Variants in SPATA6 observed in about 807,000 individuals in gnomAD.
The protein encoded by SPATA6 is spermatogenesis-associated protein 6.
SPATA6 carries 56 observed loss-of-function variants against 65.3 expected under a neutral mutation model. The ratio of observed to expected loss-of-function variants is 0.86; its 90% confidence interval spans 0.69 to 1.07. The LOEUF (loss-of-function observed/expected upper bound fraction) is 1.07, where lower values mean the gene tolerates loss of function less well. SPATA6 is among the 50% of genes least tolerant of loss of function. The probability of loss-of-function intolerance (pLI) is 0.00; values close to 1 mark genes in which losing one functional copy is unlikely to be tolerated. For missense variants in SPATA6, 590 were observed against 594.8 expected, an observed-to-expected ratio of 0.99 and a Z score of 0.08; for synonymous variants, 199 against 213.2, an observed-to-expected ratio of 0.93 and a Z score of 0.58.
At chr1:48,466,293 C>A (rs1657802561) in intron 1 of SPATA6, among the ~76,000 whole-genome samples, 1 of 151,972 alleles carries the variant, frequency 6.6e-6, no homozygotes, top group Non-Finnish European at 1.5e-5. Context: ...TGAACTAGAC[C>A]TGCAAGAATC....
At chr1:48,331,774 G>T (rs1645923008) in intron 11 of SPATA6, among the ~76,000 whole-genome samples, 1 of 152,150 alleles carries the variant, frequency 6.6e-6, no homozygotes, top group Non-Finnish European at 1.5e-5. Context: ...ATAATCATCT[G>T]ACACTCCAAG....
intron 11 of SPATA6, among the ~76,000 whole-genome samples, chr1:48,320,503 G>T (rs1241116452): frequency 6.6e-6 from 1 of 152,218 alleles, no homozygotes; most frequent in Non-Finnish European, 1.5e-5. Flanking sequence ...TTGTAGAATA[G>T]TATATCTGGC....
At chr1:48,294,599 C>T (rs924840314), downstream of SPATA6, among the ~76,000 whole-genome samples, 1 of 152,166 alleles carries the variant, frequency 6.6e-6, no homozygotes, top group South Asian at 2.1e-4. Flanking sequence ...CTTGAGTTCT[C>T]CCAAGTTCTA....
chr1:48,292,002 C>T (rs985609388), downstream of SPATA6, among the ~76,000 whole-genome samples: 1 of 152,188 alleles, frequency 6.6e-6, no homozygotes, highest in Non-Finnish European at 1.5e-5. Context: ...TCTTGTAGCT[C>T]ACCAAGCATC....
At position 48,383,332 on chromosome 1, in the gene SPATA6, C is replaced by T. The variant is rs1255305961; in HGVS notation, c.909+1977G>A. Among the ~76,000 whole-genome samples the T allele has an allele frequency of 6.9e-4, 41 of 59,704 alleles. 13 individuals carry two copies. Among genetic ancestry groups the T allele is most frequent in the Non-Finnish European group, 1.4e-3 (35 of 25,538 alleles). 39.2% of individuals were successfully genotyped at this position (59,704 alleles called of 152,430 possible). On this transcript the variant is annotated intron_variant, in intron 9 of 12. Transcript: ENST00000371847. ...CTGACCCCCCCACCTCCCTCCCGGA[C>T]GGGGCGGCTGGCCGACCGCCCCCCC...
chr1:48,421,782 TACACATAC>T (rs1219777738), intron 3 of SPATA6, among the ~76,000 whole-genome samples: 1 of 152,030 alleles, frequency 6.6e-6, no homozygotes, highest in Non-Finnish European at 1.5e-5. Context: ...ACAGCAAATA[TACACATAC>T]ACACAGTCCC....
chr1:48,436,115 T>C (rs1654917171), intron 3 of SPATA6: 1 of 1,610,130 alleles, frequency 6.2e-7, no homozygotes. Flanking sequence ...AGTGAAGTAC[T>C]ATGTTCCACC....
intron 9 of SPATA6, among the ~76,000 whole-genome samples, chr1:48,361,766 G>A (rs1317122134): frequency 6.6e-6 from 1 of 152,024 alleles, no homozygotes; most frequent in Non-Finnish European, 1.5e-5. Flanking sequence ...TACATTAGTT[G>A]CCCAATAAAT....
chr1:48,407,920 A>G (rs968114204), intron 5 of SPATA6, among the ~76,000 whole-genome samples: 1 of 152,224 alleles, frequency 6.6e-6, no homozygotes, highest in Admixed American at 6.5e-5. Context: ...TTGGTATAAT[A>G]CAGAATTTTA....
chr1:48,471,220 C>T (rs1409498118), intron 1 of SPATA6, among the ~76,000 whole-genome samples: 8 of 152,130 alleles, frequency 5.3e-5, no homozygotes, highest in Admixed American at 2.6e-4. Flanking sequence ...AGGAAAGCAT[C>T]CTCTTGAGCA....
At position 48,308,286 on chromosome 1, in the gene SPATA6, G is replaced by T. The variant is rs1645110628; in HGVS notation, c.1195-2408C>A. 6.6e-5 allele frequency among the ~76,000 whole-genome samples: 10 copies of T among 151,980 alleles called. No individual in the cohort carries two copies. In the South Asian group the frequency reaches 2.1e-3, roughly 32 times the overall value. On this transcript the variant is annotated intron_variant, in intron 11 of 12. Coordinates refer to ENST00000371847, the MANE Select transcript of SPATA6 (RefSeq NM_019073.4). The stretch of plus-strand genomic sequence containing the variant: ...GGATTACAAATAACATCTTAATACA[G>T]AAGAATCTAAGTTTAGATGATATCA...
intron 3 of SPATA6, among the ~76,000 whole-genome samples, chr1:48,419,364 TTGAA>T (rs1270018271): frequency 6.6e-6 from 1 of 152,164 alleles, no homozygotes; most frequent in Non-Finnish European, 1.5e-5. Flanking sequence ...TACGTGGTAT[TTGAA>T]TGAGGAGTAG....
intron 11 of SPATA6, among the ~76,000 whole-genome samples, chr1:48,315,644 C>CT (rs1418008020): frequency 6.6e-6 from 1 of 152,142 alleles, no homozygotes; most frequent in Non-Finnish European, 1.5e-5. Context: ...CAGGGATGCC[C>CT]TCTCTCACCA....
chr1:48,365,716 A>G (rs1022131152), intron 9 of SPATA6, among the ~76,000 whole-genome samples: 8 of 152,010 alleles, frequency 5.3e-5, no homozygotes, highest in Non-Finnish European at 1.2e-4. Flanking sequence ...GGTTTTCTAG[A>G]TATACAATCA....
At chr1:48,374,140 G>A (rs914449640) in intron 9 of SPATA6, among the ~76,000 whole-genome samples, 3 of 152,060 alleles carry the variant, frequency 2.0e-5, no homozygotes. Flanking sequence ...TTGCAGTATT[G>A]AAGATCCTGG....
intron 11 of SPATA6, chr1:48,325,441 C>T (rs910871330): frequency 8.0e-7 from 1 of 1,251,678 alleles, no homozygotes; most frequent in Admixed American, 1.7e-5. Flanking sequence ...GGGACCACTG[C>T]AGTTTGCACT....
At chr1:48,268,334 TTGTGTG>T in the SPATA6 span, among the ~76,000 whole-genome samples, 1 of 136,316 alleles carries the variant, frequency 7.3e-6, no homozygotes, top group African/African-American at 2.8e-5. Context: ...GTGTGTGTGT[TTGTGTG>T]TGTGTATCTA....
intron 5 of SPATA6, 123 bp from the exon 6 acceptor site, chr1:48,404,005 G>T: frequency 1.6e-6 from 1 of 641,902 alleles, no homozygotes; most frequent in South Asian, 2.5e-5. Context: ...CTGTTAGTTT[G>T]AACTTTTCAT....
chr1:48,261,670 T>C, the SPATA6 span, among the ~76,000 whole-genome samples: 1 of 152,088 alleles, frequency 6.6e-6, no homozygotes, highest in Non-Finnish European at 1.5e-5. Context: ...GGTGCATTCC[T>C]GAAAATAAAA....
Sources: allele counts gnomAD v4.1 joint callset (sites outside exome capture counted in the v4.1 genomes callset), GRCh38; gene constraint gnomAD v4.1.1; transcripts MANE v1.5; gene names NCBI Gene and HGNC (gene_info 2026-07-23, HGNC 2026-07-21).